SLC5A9: variants seen among roughly 807,000 people sequenced by gnomAD.
SLC5A9 encodes the protein solute carrier family 5 member 9, also known as sodium/glucose cotransporter 4.
SLC5A9 carries 59 observed loss-of-function variants against 70.9 expected under a neutral mutation model. That is an observed-to-expected ratio of 0.83 (90% CI 0.68 to 1.03). The LOEUF (loss-of-function observed/expected upper bound fraction) is 1.03. SLC5A9 is among the 50% of genes least tolerant of loss of function. SLC5A9 has a pLI of 0.00. For missense variants in SLC5A9, 832 were observed against 881.1 expected (o/e 0.94, Z 0.71); for synonymous variants, 340 against 346.5 (o/e 0.98, Z 0.21).
In SLC5A9 at chr1:48,239,257, A is replaced by G; in HGVS notation, c.1462-65A>G. 1 of 1,150,612 alleles carries G rather than the reference A, an allele frequency of 8.7e-7. No individual in the cohort carries two copies. The highest frequency in any genetic ancestry group is 1.3e-6 in the Non-Finnish European group (1 of 794,208). The allele number at this position is 1,150,612 out of a possible 1,614,324, so 71.3% of individuals were successfully genotyped here. On this transcript the variant is annotated intron_variant, in intron 11 of 13. Coordinates refer to ENST00000438567, the MANE Select transcript of SLC5A9 (RefSeq NM_001011547.3). The surrounding 1 kb of genome is among the most constrained non-coding windows in gnomAD (Gnocchi z 4.2). ...TGGGAGAGAGATTTGGGGAGAGAGT[A>G]GTTTTACCTTCCTAGGGTCTCCCAC...
rs1330683473 is a variant in SLC5A9, at chr1:48,244,890, A to G, written c.1837+2274A>G. Reference sequence around the variant, plus strand: ...TGTATGTGTATGTGTATATATATATATATATATATATATATATATAAAACC... The same window carrying G: ...TGTATGTGTATGTGTATATATATATGTATATATATATATATATATAAAACC... On this transcript the variant is annotated intron_variant, in intron 13 of 13. Transcript: ENST00000438567. Among the ~76,000 whole-genome samples the G allele has an allele frequency of 4.5e-4, 46 of 101,920 alleles. 5 individuals carry two copies. The highest frequency in any genetic ancestry group is 2.1e-3 in the Admixed American group (16 of 7,698). 66.9% of individuals were successfully genotyped at this position (101,920 alleles called of 152,430 possible).
chr1:48,231,514 T>C, intron 5 of SLC5A9, 31 bp from the exon 6 acceptor site: 1 of 1,612,310 alleles, frequency 6.2e-7, no homozygotes, highest in Non-Finnish European at 8.5e-7. Flanking sequence ...AAACTGGTGC[T>C]GACTGATGAG....
chr1:48,247,382 C>G lies in SLC5A9; in HGVS notation c.1885C>G (p.Leu629Val), dbSNP rs1463411941. The change falls in exon 14 of 14, where the codon CTC (leucine) becomes GTC (valine). Residue 629 changes from leucine (L) to valine (V), a missense_variant. By Grantham distance (32) the Leu-to-Val change is conservative. Coordinates refer to ENST00000438567, the MANE Select transcript of SLC5A9 (RefSeq NM_001011547.3). ...GKLLWSWFCG[L>V]SGTPEQALSP... Reference sequence around the variant, plus strand: ...GTTGCTCTGGAGCTGGTTCTGTGGGCTCTCTGGAACACCGGAGCAGGCCCT... The same window carrying G: ...GTTGCTCTGGAGCTGGTTCTGTGGGGTCTCTGGAACACCGGAGCAGGCCCT... The G allele has an allele frequency of 6.2e-7, 1 of 1,614,024 alleles. No homozygotes were observed. Among genetic ancestry groups the G allele is most frequent in the Non-Finnish European group, 8.5e-7 (1 of 1,180,036 alleles).
rs56713648 is a variant in SLC5A9 at position 48,229,566 on chromosome 1, GA to G, written c.504+114del. 4.7e-3 allele frequency: 7,159 copies of G among 1,522,824 alleles called. 303 individuals are homozygous for G. In the African/African-American group the frequency reaches 0.086, roughly 18 times the overall value. 94.3% of individuals were successfully genotyped at this position (1,522,824 alleles called of 1,614,324 possible). On this transcript the variant is annotated intron_variant, in intron 4 of 13. Transcript: ENST00000438567. ...TGAGGGGAAGCTGACAATCACTGTT[GA>G]AAAAAAGGAAAGCAGGACCTATAAA...
At chr1:48,247,250 CCTACT>C in intron 13 of SLC5A9, 80 bp from the exon 14 acceptor site, 1 of 1,255,928 alleles carries the variant, frequency 8.0e-7, no homozygotes, top group South Asian at 1.3e-5. Context: ...CTCTCCCTCC[CCTACT>C]CTCCTATCAC....
Position 48,228,933 on chromosome 1 carries a change from C to T in SLC5A9, c.318C>T (p.Ala106=), listed in dbSNP as rs769311766. The change falls in exon 3 of 14, where the codon GCC becomes GCT. Residue 106 remains alanine (A), a synonymous_variant. Coordinates refer to ENST00000438567, the MANE Select transcript of SLC5A9 (RefSeq NM_001011547.3). ...LAGTGAAGGL[A]VGGFEWNATW... ...GGACAGGGGCTGCCGGAGGCCTTGC[C>T]GTAGGTGGCTTCGAGTGGAACGTAA... 6 of 1,613,454 alleles carry T rather than the reference C, an allele frequency of 3.7e-6. No homozygotes were observed. Among genetic ancestry groups the T allele is most frequent in the South Asian group, 1.1e-5 (1 of 91,076 alleles).
Position 48,229,427 on chromosome 1 carries a change from T to C in SLC5A9, c.472T>C (p.Ser158Pro), listed in dbSNP as rs1428079080. The C allele has an allele frequency of 6.2e-7, 1 of 1,613,982 alleles. No homozygotes were observed. The highest frequency in any genetic ancestry group is 1.3e-5 in the African/African-American group (1 of 74,896). Residue 158 changes from serine (S) to proline (P), a missense_variant, in exon 4 of 14, where the codon TCT (serine) becomes CCT (proline). Physicochemically the swap from Ser to Pro is moderately conservative, Grantham distance 74. Coordinates refer to ENST00000438567, the MANE Select transcript of SLC5A9 (RefSeq NM_001011547.3). The part of the protein sequence containing the change: ...QRIQVYMSVL[S>P]LILYIFTKIS... ...GATCCAGGTGTACATGTCTGTCCTGTCTCTCATCCTCTACATCTTCACCAA... is the reference window on the plus strand; with the variant it reads ...GATCCAGGTGTACATGTCTGTCCTGCCTCTCATCCTCTACATCTTCACCAA...
chr1:48,224,018 T>G (rs955044673), intron 1 of SLC5A9, among the ~76,000 whole-genome samples: 1 of 152,226 alleles, frequency 6.6e-6, no homozygotes, highest in East Asian at 1.9e-4. Context: ...TCGTGACTGA[T>G]TATTTTCCCT....
intron 2 of SLC5A9, chr1:48,228,066 T>C (rs1458089429): frequency 6.6e-6 from 1 of 152,144 alleles, no homozygotes; most frequent in Non-Finnish European, 1.5e-5. Context: ...AGAGAGAATA[T>C]TGACCAAGTG....
intron 13 of SLC5A9, among the ~76,000 whole-genome samples, chr1:48,244,735 A>AAT (rs1644431346): frequency 7.5e-6 from 1 of 133,616 alleles, no homozygotes; most frequent in African/African-American, 2.9e-5. Context: ...TAAAATATAT[A>AAT]ATATATATAA....
rs1015746984 is a variant in SLC5A9 at position 48,227,736 on chromosome 1, A to G, written c.235-1114A>G. 7.9e-5 allele frequency among the ~76,000 whole-genome samples: 12 copies of G among 152,288 alleles called. 2 individuals carry two copies. Among genetic ancestry groups the G allele is most frequent in the Admixed American group, 3.9e-4 (6 of 15,298 alleles). On this transcript the variant is annotated intron_variant, in intron 2 of 13. Coordinates refer to ENST00000438567, the MANE Select transcript of SLC5A9 (RefSeq NM_001011547.3). ...CTCAGCAATGTCAGGCCTGTTCCTC[A>G]TTCTGTGCCTTTACACTGCTTACTG...
chr1:48,237,041 C>G (rs1644336054), intron 10 of SLC5A9, among the ~76,000 whole-genome samples: 1 of 152,160 alleles, frequency 6.6e-6, no homozygotes, highest in Non-Finnish European at 1.5e-5. Flanking sequence ...GGTTTGTGCT[C>G]TATCTACTGG....
intron 12 of SLC5A9, 43 bp from the exon 13 acceptor site, chr1:48,242,414 T>A (rs17104309): frequency 1.3e-6 from 2 of 1,543,770 alleles, no homozygotes; most frequent in African/African-American, 1.4e-5. Context: ...ACAGCATGAC[T>A]TCTCTCCAAG....
chr1:48,223,044 G>A (rs906355747), intron 1 of SLC5A9, 146 bp downstream of exon 1: 2 of 852,224 alleles, frequency 2.3e-6, no homozygotes, highest in Non-Finnish European at 3.6e-6. Context: ...TCAGGAATCA[G>A]GCTCCTGATC....
At chr1:48,244,911 A>ATATATATAT (rs1557486574) in intron 13 of SLC5A9, among the ~76,000 whole-genome samples, 7 of 23,382 alleles carry the variant, frequency 3.0e-4, no homozygotes, top group African/African-American at 6.7e-4. Flanking sequence ...TATATATATA[A>ATATATATAT]AACCTCTGTC....
At chr1:48,223,826 C>CCGAG (rs1644105236) in intron 1 of SLC5A9, among the ~76,000 whole-genome samples, 1 of 152,112 alleles carries the variant, frequency 6.6e-6, no homozygotes, top group African/African-American at 2.4e-5. Flanking sequence ...AAGTGGCCAG[C>CCGAG]CGAGAAAAGC....
chr1:48,242,804 G>A (rs948264589), intron 13 of SLC5A9, among the ~76,000 whole-genome samples, 188 bp downstream of exon 13: 3 of 152,166 alleles, frequency 2.0e-5, no homozygotes, highest in East Asian at 1.9e-4. Flanking sequence ...AGCCAAAATA[G>A]TGCCCTCATT....
chr1:48,239,442 T>G lies in SLC5A9; in HGVS notation c.1582T>G (p.Phe528Val). Residue 528 changes from phenylalanine (F) to valine (V), a missense_variant, in exon 12 of 14, where the codon TTC becomes GTC. Physicochemically the swap from Phe to Val is conservative, Grantham distance 50. Coordinates refer to ENST00000438567, the MANE Select transcript of SLC5A9 (RefSeq NM_001011547.3). This position sits in a 1 kb window ranked among gnomAD's most constrained non-coding sequence, Gnocchi z 4.2. ...VDRRPAVLKD[F>V]HYLYFAILLC... ...CCGGAGGCCAGCAGTGCTGAAGGAC[T>G]TCCACTACCTGTACTTTGCAATCCT... 2 of 1,614,202 alleles carry G rather than the reference T, an allele frequency of 1.2e-6. No homozygotes were observed. Among genetic ancestry groups the G allele is most frequent in the Non-Finnish European group, 1.7e-6 (2 of 1,180,040 alleles).
chr1:48,240,979 T>G (rs925847785), intron 12 of SLC5A9: 1 of 152,250 alleles, frequency 6.6e-6, no homozygotes, highest in Non-Finnish European at 1.5e-5. Flanking sequence ...ACTGACCACT[T>G]CCTGCACCCC....
Sources: allele counts gnomAD v4.1 joint callset (sites outside exome capture counted in the v4.1 genomes callset), GRCh38; gene constraint gnomAD v4.1.1; non-coding constraint Gnocchi (gnomAD v3.1); transcripts MANE v1.5; gene names NCBI Gene and HGNC (gene_info 2026-07-23, HGNC 2026-07-21).